The following AFG2A variants were observed in gnomAD, a reference collection of about 807,000 sequenced individuals.
AFG2A encodes AAA ATPase AFG2A.
At chr4:123,098,883 T>C in the AFG2A span, among the ~76,000 whole-genome samples, 4 of 152,008 alleles carry the variant, frequency 2.6e-5, no homozygotes, top group Non-Finnish European at 5.9e-5. Flanking sequence ...ATATACTCAA[T>C]AGTGGAATTG....
At chr4:123,241,310 C>A in the AFG2A span, among the ~76,000 whole-genome samples, 9 of 152,168 alleles carry the variant, frequency 5.9e-5, no homozygotes, top group African/African-American at 1.7e-4. Flanking sequence ...AATACCAAAG[C>A]CTGGCAGAGA....
chr4:123,044,035 G>A, the AFG2A span, among the ~76,000 whole-genome samples: 1 of 152,268 alleles, frequency 6.6e-6, no homozygotes, highest in African/African-American at 2.4e-5. Context: ...TGCTTTGATT[G>A]TGCTTTGTCT....
the AFG2A span, among the ~76,000 whole-genome samples, chr4:123,063,256 T>G: frequency 6.6e-6 from 1 of 152,198 alleles, no homozygotes; most frequent in Non-Finnish European, 1.5e-5. Context: ...CCCAAGATAC[T>G]AAACTAATTT....
the AFG2A span, among the ~76,000 whole-genome samples, chr4:123,207,596 T>C: frequency 3.7e-4 from 56 of 152,238 alleles, no homozygotes; most frequent in East Asian, 6.4e-3. Flanking sequence ...AAATTACAGG[T>C]GTGAGCCACC....
the AFG2A span, among the ~76,000 whole-genome samples, chr4:123,000,993 G>T: frequency 7.9e-6 from 1 of 126,664 alleles, no homozygotes; most frequent in African/African-American, 2.7e-5. Context: ...CCTGTTATTG[G>T]TCTATTCAGA....
the AFG2A span, among the ~76,000 whole-genome samples, chr4:123,084,554 A>G: frequency 6.6e-6 from 1 of 150,994 alleles, no homozygotes; most frequent in Non-Finnish European, 1.5e-5. Context: ...ATATATATCT[A>G]TAAAACTAGT....
the AFG2A span, among the ~76,000 whole-genome samples, chr4:123,097,225 G>A: frequency 6.6e-6 from 1 of 151,952 alleles, no homozygotes; most frequent in Non-Finnish European, 1.5e-5. Context: ...CTAAATATAC[G>A]TATCTTTCGA....
At chr4:123,103,282 G>A in the AFG2A span, among the ~76,000 whole-genome samples, 3 of 152,178 alleles carry the variant, frequency 2.0e-5, no homozygotes, top group African/African-American at 7.2e-5. Context: ...GTGGGTTTGT[G>A]TGAGTTGAGG....
At chr4:123,071,983 A>T in the AFG2A span, among the ~76,000 whole-genome samples, 1 of 152,232 alleles carries the variant, frequency 6.6e-6, no homozygotes, top group African/African-American at 2.4e-5. Context: ...GTACTGATTA[A>T]AAGATGGCTG....
chr4:123,219,344 G>C, the AFG2A span, among the ~76,000 whole-genome samples: 1 of 152,116 alleles, frequency 6.6e-6, no homozygotes, highest in Admixed American at 6.5e-5. Flanking sequence ...AGCTGCTGGC[G>C]GCCATTGGAT....
chr4:123,275,206 A>G, the AFG2A span, among the ~76,000 whole-genome samples: 1 of 152,126 alleles, frequency 6.6e-6, no homozygotes, highest in East Asian at 1.9e-4. Context: ...GAGTCAATGC[A>G]TTCACTTTTC....
the AFG2A span, among the ~76,000 whole-genome samples, chr4:122,999,160 T>TTTG: frequency 7.6e-6 from 1 of 131,392 alleles, no homozygotes; most frequent in East Asian, 2.4e-4. Flanking sequence ...GATGGGGTTG[T>TTTG]TTTTTTCTTG....
chr4:123,181,399 C>T, the AFG2A span, among the ~76,000 whole-genome samples: 7 of 152,000 alleles, frequency 4.6e-5, no homozygotes, highest in South Asian at 1.5e-3. Context: ...ATTGCTTGAT[C>T]CCAGGAGCTC....
the AFG2A span, among the ~76,000 whole-genome samples, chr4:123,288,452 C>T: frequency 1.3e-5 from 2 of 152,078 alleles, no homozygotes; most frequent in Non-Finnish European, 2.9e-5. Flanking sequence ...TATGTACATA[C>T]AAGTAGAGGG....
chr4:123,023,272 A>G, the AFG2A span, among the ~76,000 whole-genome samples: 1 of 152,134 alleles, frequency 6.6e-6, no homozygotes, highest in African/African-American at 2.4e-5. Flanking sequence ...CATGATCACT[A>G]CCTGGGTGAG....
chr4:123,178,785 A>G, the AFG2A span, among the ~76,000 whole-genome samples: 14 of 152,210 alleles, frequency 9.2e-5, no homozygotes, highest in African/African-American at 3.1e-4. Context: ...TTTTAAATCC[A>G]TAATATGCTG....
chr4:123,230,987 G>T, the AFG2A span, among the ~76,000 whole-genome samples: 4 of 152,012 alleles, frequency 2.6e-5, no homozygotes, highest in East Asian at 7.7e-4. Flanking sequence ...TTGCAGGCTT[G>T]GTTGTTCCAT....
At chr4:123,156,956 AAATT>A in the AFG2A span, among the ~76,000 whole-genome samples, 1 of 151,960 alleles carries the variant, frequency 6.6e-6, no homozygotes, top group African/African-American at 2.4e-5. Flanking sequence ...CTCAAAATAA[AAATT>A]AACCCATGGG....
the AFG2A span, among the ~76,000 whole-genome samples, chr4:123,043,125 T>A: frequency 6.6e-6 from 1 of 152,226 alleles, no homozygotes; most frequent in African/African-American, 2.4e-5. Context: ...TCCTCACCTT[T>A]CATTTTTAAG....
Sources: allele counts gnomAD v4.1 joint callset (sites outside exome capture counted in the v4.1 genomes callset), GRCh38; gene constraint gnomAD v4.1.1; transcripts MANE v1.5; gene names NCBI Gene and HGNC (gene_info 2026-07-23, HGNC 2026-07-21).